Variants in IL1RAPL2 observed in about 807,000 individuals in gnomAD.
IL1RAPL2 encodes X-linked interleukin-1 receptor accessory protein-like 2.
Under a neutral mutation model 44.1 loss-of-function variants are expected in IL1RAPL2, and 3 were observed. The observed-to-expected ratio is 0.07, with a 90% CI of 0.03 to 0.18. The LOEUF is 0.18. Ranked by LOEUF, IL1RAPL2 falls within the 10% of genes least tolerant of loss-of-function variation. IL1RAPL2 has a pLI of 1.00. For synonymous variants in IL1RAPL2, 181 were observed against 178.8 expected, an observed-to-expected ratio of 1.01 and a Z score of -0.10; for missense variants, 391 against 496.4, an observed-to-expected ratio of 0.79 and a Z score of 2.02.
At chrX:105,391,696 G>A (rs112944782) in intron 5 of IL1RAPL2, among the ~76,000 whole-genome samples, 10,207 of 79,150 alleles carry the variant, frequency 0.13, 2,726 homozygotes, top group African/African-American at 0.58. Context: ...ACATGCACAC[G>A]TATGTTTATT....
rs139867037 is a variant in IL1RAPL2, at chrX:105,512,069, T to C, written c.772+27682T>C. Among the ~76,000 whole-genome samples, 829 of 111,102 alleles carry C rather than the reference T, an allele frequency of 7.5e-3. 8 individuals carry two copies. Among genetic ancestry groups the C allele is most frequent in the African/African-American group, 0.026 (790 of 30,609 alleles). ...TGTCTTTTCTCTCTAATTTCAGTCCTCTCTAATTTCAGTTCTCTCTAATTT... is the reference window on the plus strand; with the variant it reads ...TGTCTTTTCTCTCTAATTTCAGTCCCCTCTAATTTCAGTTCTCTCTAATTT... On this transcript the variant is annotated intron_variant, in intron 6 of 10. Coordinates refer to ENST00000372582, the MANE Select transcript of IL1RAPL2 (RefSeq NM_017416.2).
At chrX:104,791,518 A>T (rs1374154409) in intron 2 of IL1RAPL2, among the ~76,000 whole-genome samples, 3 of 111,959 alleles carry the variant, frequency 2.7e-5, no homozygotes, top group African/African-American at 9.7e-5. Flanking sequence ...AAACACACAC[A>T]TATACCCATG....
At chrX:105,405,587 G>T in intron 5 of IL1RAPL2, 1 of 871,029 alleles carries the variant, frequency 1.1e-6, no homozygotes, top group Non-Finnish European at 1.7e-6. Context: ...GGAGAAAAAG[G>T]TGGGAGGAGG....
intron 6 of IL1RAPL2, among the ~76,000 whole-genome samples, chrX:105,683,944 A>G (rs928372641): frequency 2.7e-5 from 3 of 112,619 alleles, no homozygotes; most frequent in East Asian, 2.8e-4. Context: ...GCAAAAGTAT[A>G]TAAGCTTAAT....
rs192014801 is a variant in IL1RAPL2 at position 104,815,893 on chromosome X, C to G, written c.82+156898C>G. ...CCTTTGTTCCTCTGCTGACATCATA[C>G]GTGTTTTTGATAATTTAATAAAATA... is the stretch of plus-strand genomic sequence containing the variant. On this transcript the variant is annotated intron_variant, in intron 2 of 10. Transcript: ENST00000372582. 6.4e-3 allele frequency among the ~76,000 whole-genome samples: 671 copies of G among 104,677 alleles called. 3 individuals carry two copies. The highest frequency in any genetic ancestry group is 0.022 in the African/African-American group (642 of 28,539). 90.9% of individuals were successfully genotyped at this position (104,677 alleles called of 115,157 possible).
At chrX:105,458,095 T>A (rs1205607600) in intron 5 of IL1RAPL2, among the ~76,000 whole-genome samples, 1 of 111,926 alleles carries the variant, frequency 8.9e-6, no homozygotes, top group Non-Finnish European at 1.9e-5. Flanking sequence ...TCTTTTCATG[T>A]GCTTATTGGC....
chrX:105,256,647 G>A (rs1341221377), intron 4 of IL1RAPL2, among the ~76,000 whole-genome samples: 1 of 111,214 alleles, frequency 9.0e-6, no homozygotes, highest in Non-Finnish European at 1.9e-5. Flanking sequence ...CAATTTCAAA[G>A]CTTATTATTA....
chrX:104,823,397 A>G (rs1464720539), intron 2 of IL1RAPL2, among the ~76,000 whole-genome samples: 3 of 110,140 alleles, frequency 2.7e-5, no homozygotes, highest in Non-Finnish European at 5.7e-5. Context: ...ATGTTTTCCA[A>G]TTTCATCCAT....
intron 1 of IL1RAPL2, among the ~76,000 whole-genome samples, chrX:104,617,275 C>G (rs958479897): frequency 8.9e-6 from 1 of 111,869 alleles, no homozygotes; most frequent in African/African-American, 3.2e-5. Context: ...AGTGACCTGT[C>G]TCTTCTCTAG....
At chrX:104,960,205 G>A (rs2029979179) in intron 2 of IL1RAPL2, among the ~76,000 whole-genome samples, 1 of 111,885 alleles carries the variant, frequency 8.9e-6, no homozygotes, top group Admixed American at 9.5e-5. Flanking sequence ...ACTCAAATTA[G>A]CTTGTGAGGT....
chrX:105,763,512 A>C (rs779613771), intron 10 of IL1RAPL2, among the ~76,000 whole-genome samples: 2 of 111,789 alleles, frequency 1.8e-5, no homozygotes, highest in Non-Finnish European at 3.8e-5. Flanking sequence ...TAAGAAGAGA[A>C]GGAAGAAGGA....
chrX:104,622,823 T>A (rs988937745), intron 1 of IL1RAPL2, among the ~76,000 whole-genome samples: 1 of 112,320 alleles, frequency 8.9e-6, no homozygotes, highest in African/African-American at 3.2e-5. Context: ...GTAACTTGTC[T>A]ATTAGTCAGT....
intron 2 of IL1RAPL2, among the ~76,000 whole-genome samples, chrX:104,888,631 G>C (rs58420940): frequency 9.2e-6 from 1 of 108,419 alleles, no homozygotes; most frequent in Non-Finnish European, 1.9e-5. Flanking sequence ...CCTAACCCAC[G>C]CTCTGTTAAA....
chrX:104,949,994 G>T (rs181383501), intron 2 of IL1RAPL2, among the ~76,000 whole-genome samples: 243 of 111,033 alleles, frequency 2.2e-3, no homozygotes, highest in African/African-American at 7.5e-3. Context: ...CTGTCTCGTT[G>T]ATCTGTCTAA....
chrX:105,394,682 A>G (rs2035549808), intron 5 of IL1RAPL2, among the ~76,000 whole-genome samples: 1 of 111,392 alleles, frequency 9.0e-6, no homozygotes. Flanking sequence ...TATTTTCAAG[A>G]TCTTCAAATA....
intron 2 of IL1RAPL2, among the ~76,000 whole-genome samples, chrX:104,976,866 G>T (rs762942565): frequency 1.0e-5 from 1 of 97,820 alleles, no homozygotes; most frequent in South Asian, 5.7e-4. Flanking sequence ...ATAATCAACT[G>T]CCCTGACTTA....
At chrX:105,161,847 G>T (rs987494088) in intron 2 of IL1RAPL2, among the ~76,000 whole-genome samples, 7 of 111,735 alleles carry the variant, frequency 6.3e-5, no homozygotes, top group African/African-American at 2.0e-4. Context: ...CCTCTCTGAG[G>T]GGATTTAGTT....
intron 6 of IL1RAPL2, among the ~76,000 whole-genome samples, chrX:105,638,457 ACT>A (rs1242479421): frequency 9.1e-6 from 1 of 110,227 alleles, no homozygotes; most frequent in Non-Finnish European, 1.9e-5. Flanking sequence ...ATATGATTTT[ACT>A]CTCTGATTTT....
At chrX:104,859,870 G>T (rs2147646652) in intron 2 of IL1RAPL2, among the ~76,000 whole-genome samples, 1 of 111,816 alleles carries the variant, frequency 8.9e-6, no homozygotes, top group South Asian at 3.7e-4. Context: ...CAGTGAAGTG[G>T]ACAGGCAGAA....
Sources: gnomAD v4.1 joint callset for allele counts (sites outside exome capture counted in the v4.1 genomes callset) on GRCh38, gnomAD v4.1.1 for gene constraint, MANE v1.5 for transcripts, NCBI Gene and HGNC (gene_info 2026-07-23, HGNC 2026-07-21) for gene names.